SLC10A7: variants seen among roughly 807,000 people sequenced by gnomAD.
The protein encoded by SLC10A7 is sodium/bile acid cotransporter 7.
In SLC10A7, 29 loss-of-function variants were observed where a neutral mutation model predicts 43.2. The ratio of observed to expected loss-of-function variants is 0.67; its 90% CI spans 0.50 to 0.92. SLC10A7 has a LOEUF of 0.92. SLC10A7 is among the 40% of genes least tolerant of loss of function. The pLI, the probability that SLC10A7 is intolerant of heterozygous loss-of-function variation, is 0.00. For missense variants in SLC10A7, 295 were observed against 403.2 expected, an observed-to-expected ratio of 0.73 and a Z score of 2.30; for synonymous variants, 152 against 144.8, an observed-to-expected ratio of 1.05 and a Z score of -0.35.
chr4:146,483,105 G>T (rs959586717), intron 4 of SLC10A7, among the ~76,000 whole-genome samples: 1 of 152,160 alleles, frequency 6.6e-6, no homozygotes, highest in South Asian at 2.1e-4. Flanking sequence ...TCCTTACGTG[G>T]AAATGAAAGG....
At position 146,417,047 on chromosome 4, in the gene SLC10A7, T is replaced by A. The variant is rs78275210; in HGVS notation, c.435+25736A>T. Among the ~76,000 whole-genome samples the A allele has an allele frequency of 6.7e-3, 1,023 of 152,314 alleles. 10 individuals carry two copies. Among genetic ancestry groups the A allele is most frequent in the African/African-American group, 0.023 (976 of 41,572 alleles). On this transcript the variant is annotated intron_variant, in intron 5 of 11. Coordinates refer to ENST00000335472, the MANE Select transcript of SLC10A7 (RefSeq NM_001029998.6). ...TTCTGTTCTCTCCATAAGATATATA[T>A]ATAAATATAAAACATAGTAAAAGTG...
chr4:146,347,242 G>A (rs1375037701), intron 5 of SLC10A7, among the ~76,000 whole-genome samples: 2 of 152,040 alleles, frequency 1.3e-5, no homozygotes, highest in African/African-American at 4.8e-5. Context: ...AGGGCATAGT[G>A]AATGGGACAT....
intron 10 of SLC10A7, among the ~76,000 whole-genome samples, chr4:146,263,356 TCATTGTTGAG>T (rs1432314463): frequency 6.6e-6 from 1 of 152,230 alleles, no homozygotes; most frequent in African/African-American, 2.4e-5. Flanking sequence ...AGTTTCTTCT[TCATTGTTGAG>T]CATATGGTAG....
At chr4:146,432,947 A>G (rs915156835) in intron 5 of SLC10A7, among the ~76,000 whole-genome samples, 11 of 151,232 alleles carry the variant, frequency 7.3e-5, no homozygotes, top group African/African-American at 2.7e-4. Context: ...CTGAGGCAGG[A>G]GAATAGCGTG....
At position 146,468,654 on chromosome 4, in the gene SLC10A7, G is replaced by T. The variant is rs2357079; in HGVS notation, c.397-25833C>A. 2.3e-3 allele frequency among the ~76,000 whole-genome samples: 344 copies of T among 151,914 alleles called. 1 individual carries two copies. Among genetic ancestry groups the T allele is most frequent in the South Asian group, 0.016 (75 of 4,806 alleles). Reference sequence around the variant, plus strand: ...CCGGCTAATTTTTAGTAGCGACAGGGTTTTACCATGTTGGCCAGGCTGGTC... The same window carrying T: ...CCGGCTAATTTTTAGTAGCGACAGGTTTTTACCATGTTGGCCAGGCTGGTC... On this transcript the variant is annotated intron_variant, in intron 4 of 11. Coordinates refer to ENST00000335472, the MANE Select transcript of SLC10A7 (RefSeq NM_001029998.6).
intron 4 of SLC10A7, among the ~76,000 whole-genome samples, chr4:146,469,615 T>A (rs1240153579): frequency 6.6e-6 from 1 of 152,132 alleles, no homozygotes; most frequent in Non-Finnish European, 1.5e-5. Flanking sequence ...AGTATTAGCA[T>A]GTATAAAACC....
chr4:146,389,585 C>A, intron 5 of SLC10A7, among the ~76,000 whole-genome samples: 1 of 152,216 alleles, frequency 6.6e-6, no homozygotes, highest in Non-Finnish European at 1.5e-5. Flanking sequence ...GATCTATTAA[C>A]TCTTTCAAAA....
chr4:146,495,827 T>C (rs191241429), intron 4 of SLC10A7, among the ~76,000 whole-genome samples: 2 of 143,368 alleles, frequency 1.4e-5, no homozygotes, highest in African/African-American at 5.2e-5. Context: ...ATACACATAC[T>C]TGTTATCTTT....
chr4:146,295,541 C>T (rs149803870), intron 7 of SLC10A7, among the ~76,000 whole-genome samples: 45 of 152,146 alleles, frequency 3.0e-4, no homozygotes, highest in Non-Finnish European at 3.5e-4. Context: ...AAAAGCAGTT[C>T]TGTCACACAG....
intron 10 of SLC10A7, among the ~76,000 whole-genome samples, chr4:146,260,683 C>G (rs1728167415): frequency 6.6e-6 from 1 of 152,196 alleles, no homozygotes; most frequent in African/African-American, 2.4e-5. Flanking sequence ...GTGGTAGGCT[C>G]TAAACTGCGA....
intron 3 of SLC10A7, among the ~76,000 whole-genome samples, chr4:146,505,527 C>G (rs1215971413): frequency 6.6e-6 from 1 of 152,136 alleles, no homozygotes; most frequent in Non-Finnish European, 1.5e-5. Flanking sequence ...TCACAGTGTT[C>G]AAGGTCAACT....
At position 146,256,175 on chromosome 4, in the gene SLC10A7, T is replaced by G. The variant is rs911851162; in HGVS notation, c.*316A>C. On this transcript the variant is annotated 3_prime_UTR_variant, in exon 12 of 12. Coordinates refer to ENST00000335472, the MANE Select transcript of SLC10A7 (RefSeq NM_001029998.6). ...TCATTTCAAACATTACAGTAACTAC[T>G]ATAGGGTTGTATTGCACAAAGGTGC... 1.7e-5 allele frequency: 6 copies of G among 358,654 alleles called. No homozygotes were observed. In the East Asian group the frequency reaches 3.7e-4, roughly 22 times the overall value. The allele number at this position is 358,654 out of a possible 1,614,324, so 22.2% of individuals were successfully genotyped here. A position where few individuals can be genotyped will look rare whatever the true frequency, so the allele number is the denominator to read the frequency against.
intron 4 of SLC10A7, among the ~76,000 whole-genome samples, chr4:146,492,547 T>C (rs1204929926): frequency 6.6e-6 from 1 of 152,060 alleles, no homozygotes; most frequent in Non-Finnish European, 1.5e-5. Flanking sequence ...TTCTTTGTAT[T>C]TTTTTGGAAA....
intron 5 of SLC10A7, among the ~76,000 whole-genome samples, chr4:146,339,007 T>C (rs988627293): frequency 1.3e-5 from 2 of 151,830 alleles, no homozygotes; most frequent in Non-Finnish European, 2.9e-5. Context: ...AGGAGGGGGA[T>C]AGTATGAAGT....
intron 4 of SLC10A7, among the ~76,000 whole-genome samples, chr4:146,462,261 TG>T (rs1223991907): frequency 6.6e-6 from 1 of 152,180 alleles, no homozygotes; most frequent in Non-Finnish European, 1.5e-5. Context: ...AATTCTTTTT[TG>T]TTAGTAAAAT....
chr4:146,421,713 T>C (rs1236736971), intron 5 of SLC10A7, among the ~76,000 whole-genome samples: 1 of 152,190 alleles, frequency 6.6e-6, no homozygotes, highest in Non-Finnish European at 1.5e-5. Flanking sequence ...GGTACCGTAT[T>C]TGCCATTACA....
At chr4:146,471,274 C>T (rs6846498) in intron 4 of SLC10A7, among the ~76,000 whole-genome samples, 121,346 of 151,968 alleles carry the variant, frequency 0.8, 48,884 homozygotes, top group East Asian at 0.96. Flanking sequence ...TACATAGGGA[C>T]AGTCGAAAAC....
chr4:146,505,213 C>A lies in SLC10A7; in HGVS notation c.321-1289G>T, dbSNP rs143119805. On this transcript the variant is annotated intron_variant, in intron 3 of 11. Transcript: ENST00000335472. ...TGCTATGCCTGAGACAGCAAGACTTCTTCCTCTTCATTAGCCTACTCAATG... is the reference window on the plus strand; with the variant it reads ...TGCTATGCCTGAGACAGCAAGACTTATTCCTCTTCATTAGCCTACTCAATG... 7.7e-3 allele frequency among the ~76,000 whole-genome samples: 1,175 copies of A among 152,286 alleles called. 4 individuals are homozygous for A. Among genetic ancestry groups the A allele is most frequent in the Middle Eastern group, 0.02 (6 of 294 alleles).
intron 5 of SLC10A7, among the ~76,000 whole-genome samples, chr4:146,438,713 A>T (rs975018994): frequency 6.6e-6 from 1 of 152,050 alleles, no homozygotes; most frequent in African/African-American, 2.4e-5. Flanking sequence ...GAAACACTGA[A>T]TTCAGCCTCC....
Sources: gnomAD v4.1 joint callset for allele counts (sites outside exome capture counted in the v4.1 genomes callset) on GRCh38, gnomAD v4.1.1 for gene constraint, MANE v1.5 for transcripts, NCBI Gene and HGNC (gene_info 2026-07-23, HGNC 2026-07-21) for gene names.